CEP128: variants seen among roughly 807,000 people sequenced by gnomAD.
CEP128 encodes centrosomal protein 128kDa.
A neutral mutation model predicts 156.7 loss-of-function variants in CEP128; 132 were observed. That is an observed-to-expected ratio of 0.84 (90% CI 0.73 to 0.97). The LOEUF is 0.97. CEP128 is among the 50% of genes least tolerant of loss of function. The probability of loss-of-function intolerance (pLI) is 0.00; values close to 1 mark genes in which losing one functional copy is unlikely to be tolerated. For synonymous variants in CEP128, 469 were observed against 448.9 expected (o/e 1.04, Z -0.57); for missense variants, 1,252 against 1,281.9 (o/e 0.98, Z 0.36).
At chr14:80,628,470 CTA>C (rs1446654666) in intron 19 of CEP128, among the ~76,000 whole-genome samples, 1 of 152,168 alleles carries the variant, frequency 6.6e-6, no homozygotes, top group Non-Finnish European at 1.5e-5. Flanking sequence ...TAATTTCAAA[CTA>C]TGAACTGACA....
chr14:80,678,045 A>ATATATATATATATAT (rs1555390192), intron 19 of CEP128, among the ~76,000 whole-genome samples: 3 of 30,690 alleles, frequency 9.8e-5, no homozygotes, highest in East Asian at 2.2e-3. Context: ...CTCTATAAAA[A>ATATATATATATATAT]AAAAATATAT....
intron 23 of CEP128, among the ~76,000 whole-genome samples, chr14:80,506,823 G>A (rs1183284588): frequency 6.6e-6 from 1 of 152,140 alleles, no homozygotes. Context: ...AAGATCATTA[G>A]CTTTCATGTT....
At chr14:80,628,734 T>C (rs1459751192) in intron 19 of CEP128, among the ~76,000 whole-genome samples, 1 of 152,114 alleles carries the variant, frequency 6.6e-6, no homozygotes, top group African/African-American at 2.4e-5. Flanking sequence ...CATACCTGAT[T>C]AGGTAACTCA....
chr14:80,683,180 G>A (rs748474921), intron 19 of CEP128, among the ~76,000 whole-genome samples: 4 of 152,118 alleles, frequency 2.6e-5, no homozygotes, highest in Non-Finnish European at 5.9e-5. Flanking sequence ...GGCACAGGGT[G>A]GCAAGCTGGA....
intron 13 of CEP128, among the ~76,000 whole-genome samples, chr14:80,828,413 G>A (rs1310186675): frequency 2.0e-5 from 3 of 152,100 alleles, no homozygotes; most frequent in African/African-American, 4.8e-5. Flanking sequence ...GTGAGCCACT[G>A]TGCCTGGCCC....
Position 80,756,972 on chromosome 14 carries a change from G to T in CEP128, c.2554-21C>A, listed in dbSNP as rs765138929. The T allele has an allele frequency of 2.4e-5, 36 of 1,489,324 alleles. No individual in the cohort carries two copies. In the East Asian group the frequency reaches 3.4e-4, roughly 14 times the overall value. The allele number at this position is 1,489,324 out of a possible 1,614,324, so 92.3% of individuals were successfully genotyped here. A position where few individuals can be genotyped will look rare whatever the true frequency, so the allele number is the denominator to read the frequency against. On this transcript the variant is annotated intron_variant, in intron 17 of 24. Transcript: ENST00000555265. ...AAAACCTACAAAAGAGAAAACAGTC[G>T]ATTAGAAATACATTTTTCTCTGACA... is the stretch of plus-strand genomic sequence containing the variant.
intron 13 of CEP128, among the ~76,000 whole-genome samples, chr14:80,820,428 T>C (rs113923282): frequency 2.0e-5 from 3 of 152,310 alleles, no homozygotes; most frequent in African/African-American, 7.2e-5. Flanking sequence ...CCCAAAGCTA[T>C]GTTACAATGC....
chr14:80,864,561 A>AT (rs559840411), intron 8 of CEP128, among the ~76,000 whole-genome samples: 7,400 of 144,706 alleles, frequency 0.051, 193 homozygotes, highest in African/African-American at 0.072. Context: ...TTGTTTCTCA[A>AT]TTTTTTTTTT....
chr14:80,537,105 T>C (rs1048745696), intron 21 of CEP128, among the ~76,000 whole-genome samples: 4 of 152,130 alleles, frequency 2.6e-5, no homozygotes, highest in African/African-American at 9.7e-5. Context: ...TGAGAACAGG[T>C]AACATATCTT....
intron 21 of CEP128, among the ~76,000 whole-genome samples, chr14:80,544,879 A>G (rs576233076): frequency 3.9e-5 from 6 of 152,162 alleles, no homozygotes; most frequent in African/African-American, 7.2e-5. Flanking sequence ...GGGACTTACT[A>G]TGTTTTAAAA....
At chr14:80,744,439 G>C (rs1340005875) in intron 18 of CEP128, among the ~76,000 whole-genome samples, 1 of 152,122 alleles carries the variant, frequency 6.6e-6, no homozygotes, top group Admixed American at 6.5e-5. Flanking sequence ...ATGATATATA[G>C]AGTTCTGTAG....
At chr14:80,954,546 G>A (rs1231337275) in intron 2 of CEP128, among the ~76,000 whole-genome samples, 1 of 152,142 alleles carries the variant, frequency 6.6e-6, no homozygotes. Flanking sequence ...GTTCCCTCCT[G>A]TCTTTTTCTA....
At chr14:80,503,827 A>G (rs1887847354) in intron 24 of CEP128, among the ~76,000 whole-genome samples, 1 of 152,230 alleles carries the variant, frequency 6.6e-6, no homozygotes, top group African/African-American at 2.4e-5. Context: ...TAGGACAGGA[A>G]GACAAAATGC....
At chr14:80,944,857 A>C (rs11846518), upstream of CEP128, among the ~76,000 whole-genome samples, 5,391 of 81,338 alleles carry the variant, frequency 0.066, 544 homozygotes, top group African/African-American at 0.22. Context: ...AAAAAAAAAA[A>C]CAGAAAAAAC....
intron 2 of CEP128, among the ~76,000 whole-genome samples, chr14:80,918,848 T>C (rs549333298): frequency 1.3e-5 from 2 of 152,194 alleles, no homozygotes; most frequent in Non-Finnish European, 2.9e-5. Flanking sequence ...TCTATACTAA[T>C]GCATTTAATA....
At chr14:80,847,465 G>T (rs10220567) in intron 9 of CEP128, among the ~76,000 whole-genome samples, 4,058 of 152,180 alleles carry the variant, frequency 0.027, 179 homozygotes, top group African/African-American at 0.092. Context: ...ATATAAAGAA[G>T]AAAATAATTA....
intron 2 of CEP128, among the ~76,000 whole-genome samples, chr14:80,917,188 G>A (rs1000341574): frequency 6.6e-6 from 1 of 152,148 alleles, no homozygotes; most frequent in South Asian, 2.1e-4. Flanking sequence ...GACATCCTAA[G>A]TATATGCATC....
chr14:80,859,001 G>T (rs1261409283), intron 9 of CEP128, among the ~76,000 whole-genome samples: 1 of 151,796 alleles, frequency 6.6e-6, no homozygotes, highest in Non-Finnish European at 1.5e-5. Context: ...ATTCCTCAGG[G>T]ATCTAGAACT....
chr14:80,502,642 A>G (rs896747984), intron 24 of CEP128, among the ~76,000 whole-genome samples: 1 of 151,854 alleles, frequency 6.6e-6, no homozygotes, highest in Non-Finnish European at 1.5e-5. Flanking sequence ...CCTTTTTCAT[A>G]GTATTTTGCT....
Sources: gnomAD v4.1 joint callset for allele counts (sites outside exome capture counted in the v4.1 genomes callset) on GRCh38, gnomAD v4.1.1 for gene constraint, MANE v1.5 for transcripts, NCBI Gene and HGNC (gene_info 2026-07-23, HGNC 2026-07-21) for gene names.